Variants in ARFGEF3 observed in about 807,000 individuals in gnomAD.
The protein encoded by ARFGEF3 is ARFGEF family member 3.
ARFGEF3 carries 96 observed loss-of-function variants against 221.7 expected under a neutral mutation model. The observed-to-expected ratio is 0.43, with a 90% confidence interval of 0.37 to 0.51. ARFGEF3 has a LOEUF of 0.51. ARFGEF3 is among the 20% of genes least tolerant of loss of function. ARFGEF3 has a pLI of 0.00. For synonymous variants in ARFGEF3, 1,145 were observed against 1,126.8 expected, an observed-to-expected ratio of 1.02 and a Z score of -0.32; for missense variants, 2,410 against 2,789.9, an observed-to-expected ratio of 0.86 and a Z score of 3.07.
At chr6:138,335,320 C>G (rs1248550841) in intron 33 of ARFGEF3, 132 bp downstream of exon 33, 1 of 899,310 alleles carries the variant, frequency 1.1e-6, no homozygotes, top group Non-Finnish European at 1.6e-6. Flanking sequence ...CGATTTCCCT[C>G]CAAAGTCAGA....
In ARFGEF3 at chr6:138,341,250, C is replaced by G. The variant is rs999153555; in HGVS notation, c.*4764C>G. The G allele has an allele frequency of 2.6e-5, 4 of 154,714 alleles. No individual in the cohort carries two copies. The highest frequency in any genetic ancestry group is 4.8e-5 in the African/African-American group (2 of 41,500). 9.6% of individuals were successfully genotyped at this position (154,714 alleles called of 1,614,324 possible). A position where few individuals can be genotyped will look rare whatever the true frequency, so the allele number is the denominator to read the frequency against. On this transcript the variant is annotated 3_prime_UTR_variant, in exon 34 of 34. Coordinates refer to ENST00000251691, the MANE Select transcript of ARFGEF3 (RefSeq NM_020340.5). The stretch of plus-strand genomic sequence containing the variant: ...AATACATGGTACTAAATTAGTAGCA[C>G]AAAGTTTGGGAATATGCAAAATAAT...
chr6:138,312,281 G>A (rs1461808726), intron 25 of ARFGEF3, among the ~76,000 whole-genome samples: 1 of 152,104 alleles, frequency 6.6e-6, no homozygotes, highest in Non-Finnish European at 1.5e-5. Context: ...TTGTCTCTAA[G>A]CTTCAGTGAC....
At chr6:138,333,840 C>T in intron 32 of ARFGEF3, 130 bp from the exon 33 acceptor site, 2 of 1,011,188 alleles carry the variant, frequency 2.0e-6, no homozygotes, top group South Asian at 1.8e-5. Flanking sequence ...TCATGGAAGA[C>T]ATTTGAGTAG....
At position 138,262,644 on chromosome 6, in the gene ARFGEF3, G is replaced by A. The variant is rs1583037520; in HGVS notation, c.1218-57G>A. On this transcript the variant is annotated intron_variant, in intron 11 of 33. Coordinates refer to ENST00000251691, the MANE Select transcript of ARFGEF3 (RefSeq NM_020340.5). ...CAGGCTAACACTCTTGTTCCTTTCA[G>A]AGATATTTTCTACATTTTATGCATT... 5.3e-6 allele frequency: 8 copies of A among 1,502,550 alleles called. No individual in the cohort carries two copies. In the East Asian group the frequency reaches 1.8e-4, roughly 34 times the overall value. 93.1% of individuals were successfully genotyped at this position (1,502,550 alleles called of 1,614,324 possible). A position where few individuals can be genotyped will look rare whatever the true frequency, so the allele number is the denominator to read the frequency against.
At chr6:138,299,893 A>G (rs1031029727) in intron 22 of ARFGEF3, among the ~76,000 whole-genome samples, 2 of 152,334 alleles carry the variant, frequency 1.3e-5, no homozygotes, top group Middle Eastern at 3.4e-3. Context: ...TAGCCCTTTT[A>G]TGTGATCTGT....
At chr6:138,244,346 T>C (rs979792795) in intron 7 of ARFGEF3, among the ~76,000 whole-genome samples, 10 of 152,262 alleles carry the variant, frequency 6.6e-5, no homozygotes, top group African/African-American at 2.4e-4. Context: ...ATTCATCAGA[T>C]ACTTAGAGCC....
chr6:138,297,376 C>G (rs1779542332), intron 21 of ARFGEF3, among the ~76,000 whole-genome samples: 1 of 152,186 alleles, frequency 6.6e-6, no homozygotes, highest in African/African-American at 2.4e-5. Context: ...AGTCAGGGAA[C>G]CCTATGTCTT....
chr6:138,252,457 C>T (rs1349535103), intron 8 of ARFGEF3, among the ~76,000 whole-genome samples: 1 of 152,136 alleles, frequency 6.6e-6, no homozygotes, highest in Non-Finnish European at 1.5e-5. Context: ...GGACTCCACC[C>T]CCTCACTATC....
At chr6:138,292,730 A>G (rs1239751527) in intron 19 of ARFGEF3, among the ~76,000 whole-genome samples, 7 of 152,238 alleles carry the variant, frequency 4.6e-5, no homozygotes, top group Non-Finnish European at 1.5e-5. Context: ...GCCAGGACTC[A>G]GATTGACCTG....
rs1423783176 is a variant in ARFGEF3 at position 138,245,515 on chromosome 6, T to C, written c.589T>C (p.Ser197Pro). The C allele has an allele frequency of 1.2e-6, 2 of 1,609,374 alleles. No homozygotes were observed. The highest frequency in any genetic ancestry group is 1.7e-6 in the Non-Finnish European group (2 of 1,177,738). The change falls in exon 8 of 34, where the codon TCA (serine) becomes CCA (proline). Residue 197 changes from serine to proline, a missense_variant and splice_region_variant. Transcript: ENST00000251691. ...DVPQDFGNQG[S>P]TVESLCDDVV... ...CTGTAACCTCCTCTGTTTTGAAGGG[T>C]CAACAGTAGAGTCCCTCTGTGATGA...
chr6:138,245,716 AC>A (rs1310955247), intron 8 of ARFGEF3, 125 bp downstream of exon 8: 1 of 751,158 alleles, frequency 1.3e-6, no homozygotes, highest in Non-Finnish European at 2.3e-6. Context: ...CCCCCTCCAC[AC>A]CCTAAACGCT....
intron 2 of ARFGEF3, among the ~76,000 whole-genome samples, chr6:138,192,011 A>G (rs923614757): frequency 6.6e-6 from 1 of 152,230 alleles, no homozygotes; most frequent in African/African-American, 2.4e-5. Context: ...TGTGCTAGAT[A>G]CTGTCGGTGC....
intron 31 of ARFGEF3, 111 bp downstream of exon 31, chr6:138,324,265 A>G (rs76623389): frequency 0.026 from 34,451 of 1,304,188 alleles, 816 homozygotes; most frequent in East Asian, 0.13. Flanking sequence ...CCTGAGGGAC[A>G]TACACCTTGT....
chr6:138,247,533 G>A (rs1453966074), intron 8 of ARFGEF3, among the ~76,000 whole-genome samples: 1 of 152,120 alleles, frequency 6.6e-6, no homozygotes, highest in East Asian at 1.9e-4. Flanking sequence ...TGGTATAGCA[G>A]AGTTGGAATA....
chr6:138,242,359 T>C (rs960137280), intron 6 of ARFGEF3, among the ~76,000 whole-genome samples: 25 of 152,222 alleles, frequency 1.6e-4, no homozygotes, highest in Admixed American at 1.5e-3. Context: ...CTCACAGTTC[T>C]GTCTCTGCCC....
At chr6:138,213,401 T>C (rs1368523369) in intron 4 of ARFGEF3, among the ~76,000 whole-genome samples, 2 of 151,276 alleles carry the variant, frequency 1.3e-5, no homozygotes, top group Non-Finnish European at 2.9e-5. Context: ...GATGTTGCCG[T>C]GAGCCGAGAT....
At chr6:138,175,245 G>T (rs531276866) in intron 2 of ARFGEF3, among the ~76,000 whole-genome samples, 14 of 152,310 alleles carry the variant, frequency 9.2e-5, no homozygotes, top group Middle Eastern at 3.4e-3. Context: ...AATATTTCAT[G>T]ACTTTATTAG....
chr6:138,187,088 T>C (rs1337442492), intron 2 of ARFGEF3, among the ~76,000 whole-genome samples: 1 of 151,994 alleles, frequency 6.6e-6, no homozygotes, highest in Admixed American at 6.6e-5. Flanking sequence ...GCTAATGTTG[T>C]ATTTTTCGTA....
chr6:138,294,418 C>G (rs1779469890), intron 20 of ARFGEF3, among the ~76,000 whole-genome samples: 1 of 152,168 alleles, frequency 6.6e-6, no homozygotes, highest in Non-Finnish European at 1.5e-5. Context: ...TGTGTGGCTC[C>G]TTAGGGTGCA....
Sources: gnomAD v4.1 joint callset for allele counts (sites outside exome capture counted in the v4.1 genomes callset) on GRCh38, gnomAD v4.1.1 for gene constraint, MANE v1.5 for transcripts, NCBI Gene and HGNC (gene_info 2026-07-23, HGNC 2026-07-21) for gene names.